The following ARHGEF28 variants were observed in gnomAD, a reference collection of about 807,000 sequenced individuals.
ARHGEF28 encodes Rho guanine nucleotide exchange factor 28.
ARHGEF28 carries 152 observed loss-of-function variants against 206.6 expected under a neutral mutation model. The observed-to-expected ratio is 0.74, with a 90% CI of 0.64 to 0.84. The LOEUF is 0.84. Ranked by LOEUF, ARHGEF28 falls within the 40% of genes least tolerant of loss-of-function variation. The pLI is 0.00. For missense variants in ARHGEF28, 2,028 were observed against 2,073.2 expected (o/e 0.98, Z 0.42); for synonymous variants, 763 against 776.4 (o/e 0.98, Z 0.29).
At chr5:73,936,910 A>T (rs574084237) in intron 35 of ARHGEF28, among the ~76,000 whole-genome samples, 1 of 152,256 alleles carries the variant, frequency 6.6e-6, no homozygotes, top group East Asian at 1.9e-4. Flanking sequence ...CATTTTATGC[A>T]CTGAGATGAT....
chr5:73,882,226 A>G (rs910869008), intron 22 of ARHGEF28, among the ~76,000 whole-genome samples: 1 of 152,158 alleles, frequency 6.6e-6, no homozygotes, highest in Non-Finnish European at 1.5e-5. Flanking sequence ...AATGTTTTTC[A>G]TTTGGCTATT....
chr5:73,830,428 C>T (rs544542699), intron 9 of ARHGEF28, among the ~76,000 whole-genome samples: 98 of 152,058 alleles, frequency 6.4e-4, no homozygotes, highest in African/African-American at 2.3e-3. Flanking sequence ...GTGGCGGGCA[C>T]CTGTAGTCCT....
intron 4 of ARHGEF28, among the ~76,000 whole-genome samples, chr5:73,763,603 GC>G (rs1185007461): frequency 6.6e-6 from 1 of 152,158 alleles, no homozygotes; most frequent in Non-Finnish European, 1.5e-5. Context: ...AAGTGGGAGG[GC>G]GTCTGAGAAT....
intron 30 of ARHGEF28, chr5:73,899,653 A>G (rs71636096): frequency 0.12 from 17,624 of 152,288 alleles, 1,208 homozygotes; most frequent in East Asian, 0.31. Flanking sequence ...ATGAAGGTCT[A>G]CAACTGTGAC....
At chr5:73,796,863 C>G (rs190820884) in intron 9 of ARHGEF28, among the ~76,000 whole-genome samples, 3 of 152,334 alleles carry the variant, frequency 2.0e-5, no homozygotes, top group Non-Finnish European at 2.9e-5. Context: ...CTCACGCACA[C>G]AGGATGTCTC....
chr5:73,716,890 A>G (rs573147671), intron 2 of ARHGEF28, among the ~76,000 whole-genome samples: 13 of 152,242 alleles, frequency 8.5e-5, no homozygotes, highest in African/African-American at 2.9e-4. Flanking sequence ...CATGTTTAGC[A>G]TGTAAGTCTT....
At chr5:73,632,231 T>C (rs1019940245) in intron 1 of ARHGEF28, among the ~76,000 whole-genome samples, 3 of 152,188 alleles carry the variant, frequency 2.0e-5, no homozygotes, top group African/African-American at 7.2e-5. Context: ...GGGCAAAGTT[T>C]GCTCAGGAAT....
chr5:73,847,073 T>A (rs1453415871), intron 12 of ARHGEF28, among the ~76,000 whole-genome samples: 4 of 152,192 alleles, frequency 2.6e-5, no homozygotes, highest in African/African-American at 7.2e-5. Flanking sequence ...CTAAATACAT[T>A]GCTCTGAATG....
intron 2 of ARHGEF28, among the ~76,000 whole-genome samples, chr5:73,715,942 C>T (rs555996485): frequency 7.9e-5 from 12 of 152,288 alleles, no homozygotes; most frequent in East Asian, 3.9e-4. Context: ...CGCACTTACA[C>T]GGGTATCAGC....
intron 2 of ARHGEF28, among the ~76,000 whole-genome samples, chr5:73,716,568 T>C (rs1749599113): frequency 6.6e-6 from 1 of 152,196 alleles, no homozygotes; most frequent in South Asian, 2.1e-4. Context: ...GGGGAGAGTC[T>C]GAGCACCTGA....
intron 21 of ARHGEF28, among the ~76,000 whole-genome samples, chr5:73,872,171 T>TAAC (rs1191127078): frequency 2.0e-5 from 3 of 152,194 alleles, no homozygotes; most frequent in Non-Finnish European, 4.4e-5. Flanking sequence ...TTTTTTATTA[T>TAAC]AACTAGCCTA....
At chr5:73,898,944 T>G (rs912322777) in intron 30 of ARHGEF28, 5 of 152,198 alleles carry the variant, frequency 3.3e-5, no homozygotes, top group Non-Finnish European at 5.9e-5. Flanking sequence ...ATCAGAAGAT[T>G]AAATTGAACT....
At chr5:73,783,308 T>C (rs1753951319) in intron 7 of ARHGEF28, among the ~76,000 whole-genome samples, 1 of 151,440 alleles carries the variant, frequency 6.6e-6, no homozygotes, top group Admixed American at 6.6e-5. Flanking sequence ...AATGACGTAC[T>C]GGGGAAAATG....
intron 1 of ARHGEF28, among the ~76,000 whole-genome samples, chr5:73,657,128 G>T (rs927114657): frequency 7.1e-6 from 1 of 141,322 alleles, no homozygotes; most frequent in African/African-American, 2.7e-5. Context: ...AGCCGAGATT[G>T]CGCCACTGCT....
At chr5:73,857,859 C>T in intron 15 of ARHGEF28, 80 bp downstream of exon 15, 3 of 1,476,858 alleles carry the variant, frequency 2.0e-6, no homozygotes, top group Admixed American at 4.6e-5. Flanking sequence ...TCCACTTTCC[C>T]TTTGAAATCA....
At chr5:73,784,123 C>T (rs1235244316) in intron 7 of ARHGEF28, among the ~76,000 whole-genome samples, 1 of 117,374 alleles carries the variant, frequency 8.5e-6, no homozygotes, top group Admixed American at 8.2e-5. Flanking sequence ...AGAGCTTCCT[C>T]TTAAAAAAAA....
chr5:73,825,876 T>C (rs1756876611), intron 9 of ARHGEF28, among the ~76,000 whole-genome samples: 1 of 152,022 alleles, frequency 6.6e-6, no homozygotes, highest in African/African-American at 2.4e-5. Context: ...GGAGGAGATA[T>C]TGAGGGGATA....
chr5:73,780,982 G>A (rs961878987), intron 7 of ARHGEF28, among the ~76,000 whole-genome samples: 43 of 152,166 alleles, frequency 2.8e-4, no homozygotes, highest in Non-Finnish European at 3.4e-4. Context: ...CGGGACCTGG[G>A]CCAGGTCCTC....
intron 20 of ARHGEF28, among the ~76,000 whole-genome samples, 164 bp from the exon 21 acceptor site, chr5:73,869,905 C>CAA (rs143184703): frequency 6.7e-5 from 10 of 149,376 alleles, no homozygotes; most frequent in South Asian, 2.1e-4. Context: ...GAAACTGTCT[C>CAA]AAAAAAAAAC....
Sources: allele counts gnomAD v4.1 joint callset (sites outside exome capture counted in the v4.1 genomes callset), GRCh38; gene constraint gnomAD v4.1.1; transcripts MANE v1.5; gene names NCBI Gene and HGNC (gene_info 2026-07-23, HGNC 2026-07-21).